PHACTR4: variants seen among roughly 807,000 people sequenced by gnomAD.
PHACTR4 encodes protein phosphatase 1, regulatory subunit 124.
Under a neutral mutation model 72.7 loss-of-function variants are expected in PHACTR4, and 51 were observed. The observed-to-expected ratio is 0.70, with a 90% CI of 0.56 to 0.89. The LOEUF is 0.89. Among genes scored for constraint, PHACTR4 ranks in the 40% least tolerant of loss-of-function variants. The probability of loss-of-function intolerance (pLI) is 0.00; values close to 1 mark genes in which losing one functional copy is unlikely to be tolerated. For missense variants in PHACTR4, 731 were observed against 861.8 expected (o/e 0.85, Z 1.90); for synonymous variants, 255 against 302.5 (o/e 0.84, Z 1.63).
At chr1:28,437,880 C>T (rs1023241368) in intron 2 of PHACTR4, among the ~76,000 whole-genome samples, 1 of 152,160 alleles carries the variant, frequency 6.6e-6, no homozygotes, top group East Asian at 1.9e-4. Context: ...CTAAAACACA[C>T]CTTTGAATGG....
intron 9 of PHACTR4, among the ~76,000 whole-genome samples, chr1:28,484,280 C>G (rs558902579): frequency 6.6e-6 from 1 of 152,010 alleles, no homozygotes; most frequent in Non-Finnish European, 1.5e-5. Context: ...GAGATCACAC[C>G]ATGGCACTCC....
At chr1:28,452,586 CTT>C (rs1557824551) in intron 2 of PHACTR4, among the ~76,000 whole-genome samples, 1 of 151,902 alleles carries the variant, frequency 6.6e-6, no homozygotes, top group Non-Finnish European at 1.5e-5. Context: ...GGGTAGATCA[CTT>C]TAGATCTGGA....
intron 2 of PHACTR4, among the ~76,000 whole-genome samples, chr1:28,443,546 C>T (rs1657206156): frequency 6.6e-6 from 1 of 152,114 alleles, no homozygotes; most frequent in South Asian, 2.1e-4. Context: ...CTCCTAGATT[C>T]AAGCGATCCT....
intron 2 of PHACTR4, among the ~76,000 whole-genome samples, chr1:28,448,127 T>C (rs554752104): frequency 1.4e-4 from 21 of 152,314 alleles, no homozygotes; most frequent in African/African-American, 4.6e-4. Context: ...CTAGGTGGGC[T>C]TAAAAACAGA....
chr1:28,390,305 G>A (rs1327801439), intron 1 of PHACTR4, among the ~76,000 whole-genome samples: 1 of 152,096 alleles, frequency 6.6e-6, no homozygotes, highest in Non-Finnish European at 1.5e-5. Flanking sequence ...ACAGGCAGGT[G>A]CCACCATGGC....
At chr1:28,474,315 G>A (rs111700925) in intron 7 of PHACTR4, among the ~76,000 whole-genome samples, 164 bp downstream of exon 7, 6,592 of 152,102 alleles carry the variant, frequency 0.043, 191 homozygotes, top group Middle Eastern at 0.088. Context: ...CCTGAGGTCA[G>A]GAGTTCAAGA....
chr1:28,415,941 T>C (rs1346983891), intron 2 of PHACTR4, among the ~76,000 whole-genome samples: 1 of 152,234 alleles, frequency 6.6e-6, no homozygotes, highest in African/African-American at 2.4e-5. Flanking sequence ...TGAATTATTA[T>C]GATGATGCTA....
intron 9 of PHACTR4, among the ~76,000 whole-genome samples, chr1:28,487,917 A>G (rs980935498): frequency 2.6e-5 from 4 of 151,238 alleles, no homozygotes; most frequent in Non-Finnish European, 5.9e-5. Flanking sequence ...TGTATTTTTC[A>G]GTAGAGACAG....
At chr1:28,471,018 CT>C (rs1448025892) in intron 6 of PHACTR4, among the ~76,000 whole-genome samples, 1 of 145,884 alleles carries the variant, frequency 6.9e-6, no homozygotes, top group Non-Finnish European at 1.5e-5. Context: ...AGAGGGAGAC[CT>C]TGTCTCAAAA....
At chr1:28,492,896 G>A in intron 12 of PHACTR4, 119 bp from the exon 13 acceptor site, 1 of 744,470 alleles carries the variant, frequency 1.3e-6, no homozygotes, top group Admixed American at 2.4e-5. Context: ...TGGTGTCTGG[G>A]TTGCCTGTGA....
chr1:28,486,360 AGAAAG>A (rs1660645000), intron 9 of PHACTR4, among the ~76,000 whole-genome samples: 1 of 152,156 alleles, frequency 6.6e-6, no homozygotes, highest in Non-Finnish European at 1.5e-5. Context: ...TGTCTCAAAA[AGAAAG>A]GAAAGGAAAT....
chr1:28,388,784 A>G (rs978968787), intron 1 of PHACTR4, among the ~76,000 whole-genome samples: 3 of 152,090 alleles, frequency 2.0e-5, no homozygotes, highest in Non-Finnish European at 4.4e-5. Context: ...CAGGAGGCGG[A>G]GGTTGCAGTG....
At chr1:28,378,797 G>C (rs1403532804) in intron 1 of PHACTR4, among the ~76,000 whole-genome samples, 2 of 151,922 alleles carry the variant, frequency 1.3e-5, no homozygotes, top group Non-Finnish European at 2.9e-5. Context: ...TCATGAAACA[G>C]TAAACTTTGA....
intron 1 of PHACTR4, among the ~76,000 whole-genome samples, chr1:28,394,994 A>G (rs1653379633): frequency 6.7e-6 from 1 of 149,278 alleles, no homozygotes; most frequent in Non-Finnish European, 1.5e-5. Flanking sequence ...GCTCACTGCA[A>G]TCTCTGCCTT....
At chr1:28,418,341 C>T (rs1329921594) in intron 2 of PHACTR4, among the ~76,000 whole-genome samples, 15 of 151,326 alleles carry the variant, frequency 9.9e-5, no homozygotes, top group Admixed American at 8.6e-4. Flanking sequence ...AATAGCTGGG[C>T]GTGGTGGCAG....
intron 2 of PHACTR4, among the ~76,000 whole-genome samples, chr1:28,456,472 C>T (rs1658394321): frequency 6.6e-6 from 1 of 152,142 alleles, no homozygotes; most frequent in African/African-American, 2.4e-5. Context: ...GAGCGGGACA[C>T]ATATCTAAAC....
intron 2 of PHACTR4, chr1:28,457,921 T>C (rs2124463816): frequency 1.1e-6 from 1 of 947,076 alleles, no homozygotes; most frequent in East Asian, 1.2e-4. Flanking sequence ...CCTGCTGGTT[T>C]TTTTTTTTTT....
chr1:28,479,999 T>A (rs1660181326), intron 8 of PHACTR4, among the ~76,000 whole-genome samples: 1 of 152,262 alleles, frequency 6.6e-6, no homozygotes, highest in Admixed American at 6.5e-5. Context: ...TTTGGTCTAA[T>A]GAACTTATTG....
chr1:28,397,835 A>G (rs529451965), intron 1 of PHACTR4, among the ~76,000 whole-genome samples: 48 of 151,646 alleles, frequency 3.2e-4, no homozygotes, highest in Middle Eastern at 3.4e-3. Flanking sequence ...AGCTGGGACT[A>G]CAGGTGCGTG....
Sources: gnomAD v4.1 joint callset for allele counts (sites outside exome capture counted in the v4.1 genomes callset) on GRCh38, gnomAD v4.1.1 for gene constraint, MANE v1.5 for transcripts, NCBI Gene and HGNC (gene_info 2026-07-23, HGNC 2026-07-21) for gene names.